SV2C: variants seen among roughly 807,000 people sequenced by gnomAD.
SV2C encodes solute carrier family 22 member B3.
In SV2C, 49 loss-of-function variants were observed where a neutral mutation model predicts 79.7. The observed-to-expected ratio is 0.61, with a 90% CI of 0.49 to 0.78. SV2C has a LOEUF of 0.78. Among genes scored for constraint, SV2C ranks in the 30% least tolerant of loss-of-function variants. The probability of loss-of-function intolerance (pLI) is 0.00; values close to 1 mark genes in which losing one functional copy is unlikely to be tolerated. For synonymous variants in SV2C, 334 were observed against 333.2 expected, an observed-to-expected ratio of 1.00 and a Z score of -0.03; for missense variants, 833 against 912.9, an observed-to-expected ratio of 0.91 and a Z score of 1.13.
the SV2C span, among the ~76,000 whole-genome samples, chr5:76,055,852 C>G: frequency 6.6e-6 from 1 of 152,070 alleles, no homozygotes; most frequent in Non-Finnish European, 1.5e-5. Flanking sequence ...CATTTTGTAT[C>G]CTGAGACTTT....
chr5:76,345,762 G>A (rs1580091777), intron 12 of SV2C, among the ~76,000 whole-genome samples: 1 of 152,126 alleles, frequency 6.6e-6, no homozygotes, highest in East Asian at 1.9e-4. Flanking sequence ...AACCCTAGCT[G>A]GGAGCACTTC....
intron 2 of SV2C, among the ~76,000 whole-genome samples, chr5:76,156,835 G>A (rs1742741419): frequency 6.6e-6 from 1 of 151,874 alleles, no homozygotes; most frequent in African/African-American, 2.4e-5. Context: ...AAGAATTAAT[G>A]AACTAGAAGA....
At chr5:76,208,734 TAAC>T (rs1744683027) in intron 3 of SV2C, among the ~76,000 whole-genome samples, 3 of 152,264 alleles carry the variant, frequency 2.0e-5, no homozygotes, top group African/African-American at 7.2e-5. Flanking sequence ...GCACACTTCC[TAAC>T]TCTATTAGAT....
the SV2C span, among the ~76,000 whole-genome samples, chr5:76,074,935 G>A: frequency 6.6e-6 from 1 of 152,216 alleles, no homozygotes; most frequent in Admixed American, 6.5e-5. Context: ...CATTTGTGGA[G>A]TATCTACTGT....
the SV2C span, among the ~76,000 whole-genome samples, chr5:75,916,049 A>C: frequency 6.6e-6 from 1 of 152,238 alleles, no homozygotes; most frequent in African/African-American, 2.4e-5. Flanking sequence ...TCTTTCAGGC[A>C]ATAGAGAATT....
At chr5:76,018,242 C>A in the SV2C span, among the ~76,000 whole-genome samples, 1 of 152,098 alleles carries the variant, frequency 6.6e-6, no homozygotes, top group East Asian at 1.9e-4. Flanking sequence ...TGCAACTTAA[C>A]CCTCAAATTT....
chr5:75,895,011 A>G, the SV2C span, among the ~76,000 whole-genome samples: 3 of 152,226 alleles, frequency 2.0e-5, no homozygotes, highest in South Asian at 4.1e-4. Context: ...TTGATTTCAT[A>G]CATTAAAGAA....
chr5:76,050,593 ACTCT>A, the SV2C span, among the ~76,000 whole-genome samples: 3 of 146,494 alleles, frequency 2.0e-5, no homozygotes, highest in Admixed American at 1.3e-4. Context: ...TCTCTCTTTC[ACTCT>A]CTCTCTTTTT....
At chr5:76,100,373 TG>T (rs895961028) in intron 1 of SV2C, among the ~76,000 whole-genome samples, 11 of 152,192 alleles carry the variant, frequency 7.2e-5, no homozygotes, top group African/African-American at 2.7e-4. Flanking sequence ...CTCTTTCCTA[TG>T]GGATCATAAA....
chr5:76,122,615 G>C (rs191170360), intron 1 of SV2C, among the ~76,000 whole-genome samples: 5,585 of 151,722 alleles, frequency 0.037, 346 homozygotes, highest in African/African-American at 0.13. Context: ...ACCTGCTCCT[G>C]ACTGACTACT....
the SV2C span, chr5:75,910,917 T>C: frequency 1.0e-4 from 94 of 941,274 alleles, 1 homozygote; most frequent in Non-Finnish European, 1.6e-4. Flanking sequence ...AAAGTCTTTG[T>C]GGTGAAGGGA....
intron 4 of SV2C, chr5:76,242,112 G>C (rs4094349): frequency 0.21 from 292,887 of 1,402,802 alleles, 30,097 homozygotes; most frequent in Middle Eastern, 0.28. Flanking sequence ...CTCCTTGCCA[G>C]CATCAGCTTT....
At chr5:76,320,830 CCTCTT>C (rs1163791588) in intron 12 of SV2C, among the ~76,000 whole-genome samples, 4 of 152,092 alleles carry the variant, frequency 2.6e-5, no homozygotes, top group Non-Finnish European at 5.9e-5. Flanking sequence ...ATTAGCTTAC[CCTCTT>C]CTCAAGAAGT....
At chr5:76,259,064 G>C (rs1746384527) in intron 4 of SV2C, among the ~76,000 whole-genome samples, 1 of 152,166 alleles carries the variant, frequency 6.6e-6, no homozygotes, top group Non-Finnish European at 1.5e-5. Flanking sequence ...GGGGACATTT[G>C]GGTTGTTTCC....
At chr5:75,926,331 A>AT in the SV2C span, among the ~76,000 whole-genome samples, 2 of 152,220 alleles carry the variant, frequency 1.3e-5, no homozygotes, top group African/African-American at 4.8e-5. Flanking sequence ...ATTATCAAAT[A>AT]TAATAAAACA....
chr5:76,035,027 T>G, the SV2C span, among the ~76,000 whole-genome samples: 196 of 152,304 alleles, frequency 1.3e-3, 1 homozygote, highest in South Asian at 5.4e-3. Flanking sequence ...TTTTCTAGTT[T>G]ATTTGCGTAG....
intron 4 of SV2C, among the ~76,000 whole-genome samples, chr5:76,227,909 CTGAG>C (rs1176397689): frequency 6.6e-6 from 1 of 152,208 alleles, no homozygotes; most frequent in Non-Finnish European, 1.5e-5. Flanking sequence ...GCTCACTTAG[CTGAG>C]ACCTCTGCAG....
At chr5:76,288,957 G>A (rs1450966170) in intron 6 of SV2C, among the ~76,000 whole-genome samples, 1 of 151,438 alleles carries the variant, frequency 6.6e-6, no homozygotes, top group African/African-American at 2.4e-5. Flanking sequence ...ACAGCTCACT[G>A]CAGCTTCAAC....
At chr5:75,940,549 C>A in the SV2C span, among the ~76,000 whole-genome samples, 1 of 152,140 alleles carries the variant, frequency 6.6e-6, no homozygotes, top group East Asian at 1.9e-4. Flanking sequence ...GCAGGCCAGG[C>A]ACAATTCACA....
Sources: allele counts gnomAD v4.1 joint callset (sites outside exome capture counted in the v4.1 genomes callset), GRCh38; gene constraint gnomAD v4.1.1; transcripts MANE v1.5; gene names NCBI Gene and HGNC (gene_info 2026-07-23, HGNC 2026-07-21).